Variants in AGPS observed in about 807,000 individuals in gnomAD.
AGPS encodes the protein alkylglycerone phosphate synthase, also known as alkyldihydroxyacetonephosphate synthase, peroxisomal.
In AGPS, 26 loss-of-function variants were observed where a neutral mutation model predicts 90.7. The observed-to-expected ratio is 0.29, with a 90% CI of 0.21 to 0.40. The LOEUF (loss-of-function observed/expected upper bound fraction) is 0.40, where lower values mean the gene tolerates loss of function less well. Ranked by LOEUF, AGPS falls within the 10% of genes least tolerant of loss-of-function variation. AGPS has a pLI of 1.00. For synonymous variants in AGPS, 294 were observed against 285.3 expected, an observed-to-expected ratio of 1.03 and a Z score of -0.31; for missense variants, 540 against 816.1, an observed-to-expected ratio of 0.66 and a Z score of 4.12.
At chr2:177,486,588 T>A (rs1244803035) in intron 11 of AGPS, among the ~76,000 whole-genome samples, 1 of 151,208 alleles carries the variant, frequency 6.6e-6, no homozygotes, top group Non-Finnish European at 1.5e-5. Flanking sequence ...TTGCTTGTAA[T>A]TCTTCACTGT....
At chr2:177,511,448 A>G (rs1273104297) in intron 16 of AGPS, among the ~76,000 whole-genome samples, 1 of 152,082 alleles carries the variant, frequency 6.6e-6, no homozygotes, top group Non-Finnish European at 1.5e-5. Flanking sequence ...AAAACCAAGA[A>G]AGTGGATACA....
chr2:177,434,389 TA>T lies in AGPS; in HGVS notation c.416del (p.Asn139MetfsTer12). ...FKEWIQNTLG[V>X]NVEHKTTSKA... Reference sequence around the variant, plus strand: ...GAATGGATCCAAAATACCCTTGGAGTAAATGTGGAGCATAAAACTACCTCTA... The same window carrying T: ...GAATGGATCCAAAATACCCTTGGAGTAATGTGGAGCATAAAACTACCTCTA... On this transcript the variant is annotated frameshift_variant, in exon 3 of 20. Transcript: ENST00000264167. LOFTEE classifies it high-confidence loss of function. The T allele has an allele frequency of 1.9e-6, 3 of 1,612,830 alleles. No homozygotes were observed. The highest frequency in any genetic ancestry group is 2.5e-6 in the Non-Finnish European group (3 of 1,179,252).
At chr2:177,419,558 A>G (rs1685885184) in intron 1 of AGPS, among the ~76,000 whole-genome samples, 1 of 151,926 alleles carries the variant, frequency 6.6e-6, no homozygotes, top group Non-Finnish European at 1.5e-5. Flanking sequence ...TGATTCAACC[A>G]TTGATTTTGA....
intron 1 of AGPS, among the ~76,000 whole-genome samples, chr2:177,395,382 A>G (rs1391842385): frequency 1.3e-5 from 2 of 152,246 alleles, no homozygotes; most frequent in East Asian, 3.8e-4. Context: ...TGCATAGGTT[A>G]CAGCTGGTGG....
chr2:177,477,666 A>G (rs1687822812), intron 10 of AGPS, among the ~76,000 whole-genome samples: 3 of 152,174 alleles, frequency 2.0e-5, no homozygotes, highest in Admixed American at 2.0e-4. Flanking sequence ...ATTTCTAGAC[A>G]TAGAACTTTT....
chr2:177,445,647 A>AT (rs753654029), intron 8 of AGPS, 21 bp downstream of exon 8: 13 of 1,495,274 alleles, frequency 8.7e-6, no homozygotes, highest in African/African-American at 1.4e-5. Flanking sequence ...TATTTTTCTT[A>AT]TTTTTTTAAA....
chr2:177,440,682 T>G (rs983242389), intron 5 of AGPS, among the ~76,000 whole-genome samples: 1 of 152,156 alleles, frequency 6.6e-6, no homozygotes, highest in Non-Finnish European at 1.5e-5. Flanking sequence ...TGTTGATTGC[T>G]TGGTTTTGAA....
intron 2 of AGPS, 29 bp downstream of exon 2, chr2:177,420,387 C>T (rs770121572): frequency 2.0e-6 from 3 of 1,482,530 alleles, no homozygotes; most frequent in Middle Eastern, 1.7e-4. Flanking sequence ...TTCTTTTGTT[C>T]CTCCTTTAAT....
At chr2:177,470,204 G>C (rs1039950737) in intron 10 of AGPS, among the ~76,000 whole-genome samples, 1 of 152,112 alleles carries the variant, frequency 6.6e-6, no homozygotes, top group African/African-American at 2.4e-5. Flanking sequence ...TGGAATGTAA[G>C]GTTTAATTGT....
intron 9 of AGPS, among the ~76,000 whole-genome samples, chr2:177,465,746 G>C (rs995369544): frequency 6.6e-6 from 1 of 152,230 alleles, no homozygotes; most frequent in Non-Finnish European, 1.5e-5. Context: ...GGACTGCAGA[G>C]CCCCAAAGAG....
At chr2:177,416,483 A>G (rs1685787203) in intron 1 of AGPS, among the ~76,000 whole-genome samples, 1 of 152,030 alleles carries the variant, frequency 6.6e-6, no homozygotes, top group African/African-American at 2.4e-5. Context: ...TATGCAGTAA[A>G]ATCAAGCCAA....
At chr2:177,464,045 G>T (rs1687376176) in intron 9 of AGPS, among the ~76,000 whole-genome samples, 1 of 152,088 alleles carries the variant, frequency 6.6e-6, no homozygotes, top group African/African-American at 2.4e-5. Context: ...GGGTTCAAGC[G>T]ATTCTCCTGC....
At chr2:177,496,225 T>C (rs1328847624) in intron 12 of AGPS, among the ~76,000 whole-genome samples, 8 of 152,268 alleles carry the variant, frequency 5.3e-5, no homozygotes, top group Admixed American at 3.3e-4. Flanking sequence ...TAGTATCATA[T>C]GGAGTCCGCA....
In AGPS at chr2:177,539,969, G is replaced by A. The variant is rs1390573307; in HGVS notation, c.*1774G>A. ...AGCTTTATAAAATGCATCTGTTCAC[G>A]AAGGTAATTTCTTTAATTGGTGATC... On this transcript the variant is annotated 3_prime_UTR_variant, in exon 20 of 20. Coordinates refer to ENST00000264167, the MANE Select transcript of AGPS (RefSeq NM_003659.4). 22 of 150,204 alleles carry A rather than the reference G, an allele frequency of 1.5e-4. No homozygotes were observed. Among genetic ancestry groups the A allele is most frequent in the African/African-American group, 4.6e-4 (19 of 40,898 alleles). 9.3% of individuals were successfully genotyped at this position (150,204 alleles called of 1,614,324 possible).
chr2:177,525,057 A>G (rs996141354), intron 19 of AGPS, among the ~76,000 whole-genome samples: 3 of 152,124 alleles, frequency 2.0e-5, no homozygotes, highest in African/African-American at 4.8e-5. Context: ...TCCTTTTTCT[A>G]TTTATTATCC....
chr2:177,451,801 T>C (rs1226206410), intron 8 of AGPS, among the ~76,000 whole-genome samples: 1 of 152,208 alleles, frequency 6.6e-6, no homozygotes, highest in Non-Finnish European at 1.5e-5. Flanking sequence ...TTGAGTTCAG[T>C]CTTATTTTCT....
At chr2:177,471,003 G>A (rs1401611574) in intron 10 of AGPS, among the ~76,000 whole-genome samples, 1 of 152,128 alleles carries the variant, frequency 6.6e-6, no homozygotes, top group Non-Finnish European at 1.5e-5. Context: ...AGATTATGCT[G>A]AACAATTTAG....
chr2:177,403,117 T>A (rs1901823), intron 1 of AGPS, among the ~76,000 whole-genome samples: 131,394 of 152,198 alleles, frequency 0.86, 56,925 homozygotes, highest in East Asian at 0.95. Flanking sequence ...TTACTTTGTG[T>A]CTTCCATATG....
intron 1 of AGPS, among the ~76,000 whole-genome samples, chr2:177,412,554 A>G (rs1185768053): frequency 6.6e-6 from 1 of 152,110 alleles, no homozygotes; most frequent in Non-Finnish European, 1.5e-5. Context: ...GCCGACAAGC[A>G]CCCTGTATTT....
Sources: allele counts gnomAD v4.1 joint callset (sites outside exome capture counted in the v4.1 genomes callset), GRCh38; gene constraint gnomAD v4.1.1; transcripts MANE v1.5; gene names NCBI Gene and HGNC (gene_info 2026-07-23, HGNC 2026-07-21).